DNAH6: variants seen among roughly 807,000 people sequenced by gnomAD.
The protein encoded by DNAH6 is axonemal beta dynein heavy chain 6.
DNAH6 carries 340 observed loss-of-function variants against 491.4 expected under a neutral mutation model. That is an observed-to-expected ratio of 0.69 (90% CI 0.63 to 0.76). The LOEUF is 0.76. Among genes scored for constraint, DNAH6 ranks in the 30% least tolerant of loss-of-function variants. The pLI is 0.00. For missense variants in DNAH6, 4,443 were observed against 4,972.2 expected, an observed-to-expected ratio of 0.89 and a Z score of 3.20; for synonymous variants, 1,603 against 1,686.1, an observed-to-expected ratio of 0.95 and a Z score of 1.21.
intron 9 of DNAH6, 86 bp downstream of exon 9, chr2:84,550,143 T>C (rs530430714): frequency 9.0e-7 from 1 of 1,116,930 alleles, no homozygotes; most frequent in Admixed American, 2.7e-5. Flanking sequence ...TGCTATTTTC[T>C]GTGCACTAAA....
At chr2:84,646,641 T>A (rs1052999577) in intron 33 of DNAH6, among the ~76,000 whole-genome samples, 2 of 152,312 alleles carry the variant, frequency 1.3e-5, no homozygotes, top group South Asian at 2.1e-4. Context: ...GGATAAAAGA[T>A]TAAACCAGCC....
chr2:84,513,758 C>G (rs1675421298), upstream of DNAH6, among the ~76,000 whole-genome samples: 2 of 151,804 alleles, frequency 1.3e-5, no homozygotes, highest in South Asian at 4.2e-4. Flanking sequence ...ATGGGTATTT[C>G]CTAGTAGCTT....
intron 8 of DNAH6, among the ~76,000 whole-genome samples, chr2:84,549,568 A>T (rs1370703599): frequency 6.6e-6 from 1 of 152,226 alleles, no homozygotes; most frequent in African/African-American, 2.4e-5. Context: ...GCATCTTTTA[A>T]AAAATATTAT....
chr2:84,655,887 T>G (rs1010907642), intron 35 of DNAH6, among the ~76,000 whole-genome samples: 1 of 152,130 alleles, frequency 6.6e-6, no homozygotes, highest in Non-Finnish European at 1.5e-5. Context: ...TAATGTCACG[T>G]TTCCACCATT....
At chr2:84,571,136 A>G (rs190406967) in intron 11 of DNAH6, among the ~76,000 whole-genome samples, 66 of 152,364 alleles carry the variant, frequency 4.3e-4, no homozygotes, top group Admixed American at 2.8e-3. Context: ...TAATGAATTA[A>G]CAAACTAATT....
intron 4 of DNAH6, among the ~76,000 whole-genome samples, chr2:84,533,829 G>T (rs1042075492): frequency 6.6e-6 from 1 of 152,090 alleles, no homozygotes; most frequent in South Asian, 2.1e-4. Flanking sequence ...AAATGATCAA[G>T]AAATTCTGGA....
At chr2:84,703,275 A>G in intron 49 of DNAH6, 120 bp from the exon 50 acceptor site, 1 of 735,052 alleles carries the variant, frequency 1.4e-6, no homozygotes, top group South Asian at 3.3e-5. Context: ...CTGAATTATT[A>G]CAAACTGATT....
the DNAH6 span, among the ~76,000 whole-genome samples, chr2:84,476,748 C>T: frequency 3.3e-5 from 5 of 152,186 alleles, no homozygotes; most frequent in Non-Finnish European, 7.3e-5. Flanking sequence ...TCCCTCGTTC[C>T]GTGAACCATG....
chr2:84,507,419 A>C, the DNAH6 span, among the ~76,000 whole-genome samples: 2 of 152,228 alleles, frequency 1.3e-5, no homozygotes, highest in Non-Finnish European at 2.9e-5. Flanking sequence ...TTGATTTTGT[A>C]ACCTGAGACT....
chr2:84,553,628 A>ATTTTTTTTTTTTTTTTTTTTTTTTTTT (rs748931607), intron 10 of DNAH6, among the ~76,000 whole-genome samples: 1 of 90,996 alleles, frequency 1.1e-5, no homozygotes, highest in Non-Finnish European at 1.9e-5. Flanking sequence ...AGGACTGGCT[A>ATTTTTTTTTTTTTTTTTTTTTTTTTTT]TTTTTTTTTT....
At chr2:84,598,188 T>TTTCTCTCCTTCTTTTC (rs1553438141) in intron 18 of DNAH6, among the ~76,000 whole-genome samples, 1 of 132,860 alleles carries the variant, frequency 7.5e-6, no homozygotes. Context: ...TCTCTCTTTC[T>TTTCTCTCCTTCTTTTC]TTTCTTTCTT....
At chr2:84,588,788 GC>G (rs751692657) in intron 15 of DNAH6, 37 bp from the exon 16 acceptor site, 25 of 1,474,316 alleles carry the variant, frequency 1.7e-5, no homozygotes, top group Non-Finnish European at 2.3e-5. Flanking sequence ...TTATCAAAAA[GC>G]AGGAATGGCT....
intron 4 of DNAH6, 144 bp downstream of exon 4, chr2:84,529,310 C>G (rs1049425385): frequency 1.5e-5 from 10 of 682,458 alleles, no homozygotes; most frequent in Admixed American, 6.6e-5. Context: ...CTAATCACAA[C>G]AATTTTGTAT....
At chr2:84,635,926 T>C (rs1257399409) in intron 30 of DNAH6, among the ~76,000 whole-genome samples, 1 of 152,160 alleles carries the variant, frequency 6.6e-6, no homozygotes, top group Admixed American at 6.5e-5. Flanking sequence ...AGCATCTTCA[T>C]CTAGTGCCCA....
chr2:84,473,859 C>T, the DNAH6 span, among the ~76,000 whole-genome samples: 143 of 152,270 alleles, frequency 9.4e-4, no homozygotes, highest in African/African-American at 3.4e-3. Context: ...AACATCAATT[C>T]TTCCCTAGTT....
At chr2:84,765,827 T>A (rs1675023617) in intron 64 of DNAH6, among the ~76,000 whole-genome samples, 1 of 151,996 alleles carries the variant, frequency 6.6e-6, no homozygotes, top group African/African-American at 2.4e-5. Flanking sequence ...AGAAACCACA[T>A]GTACAATACA....
In DNAH6 at chr2:84,579,493, A is replaced by G. The variant is rs772473535; in HGVS notation, c.2077-34A>G. The G allele has an allele frequency of 3.7e-6, 6 of 1,606,468 alleles. No homozygotes were observed. The Admixed American group carries it at 8.4e-5, about 23-fold the overall frequency. The stretch of plus-strand genomic sequence containing the variant: ...ATACATAATAAAATGAAAATATTCG[A>G]CTATTTACAATTCACACGGTGTTTC... On this transcript the variant is annotated intron_variant, in intron 13 of 76. Coordinates refer to ENST00000389394, the MANE Select transcript of DNAH6 (RefSeq NM_001370.2).
intron 11 of DNAH6, among the ~76,000 whole-genome samples, chr2:84,571,330 G>A (rs1681844191): frequency 6.6e-6 from 1 of 152,150 alleles, no homozygotes; most frequent in African/African-American, 2.4e-5. Flanking sequence ...CAAATTCTCT[G>A]TCCATAAGCT....
At chr2:84,728,301 A>G (rs1192330) in intron 61 of DNAH6, among the ~76,000 whole-genome samples, 18,158 of 152,192 alleles carry the variant, frequency 0.12, 1,442 homozygotes, top group African/African-American at 0.22. Context: ...ACAGAATAAT[A>G]CTATGATCGT....
Sources: gnomAD v4.1 joint callset for allele counts (sites outside exome capture counted in the v4.1 genomes callset) on GRCh38, gnomAD v4.1.1 for gene constraint, MANE v1.5 for transcripts, NCBI Gene and HGNC (gene_info 2026-07-23, HGNC 2026-07-21) for gene names.